Variants in JAZF1 observed in about 807,000 individuals in gnomAD.
JAZF1 encodes the protein juxtaposed with another zinc finger protein 1.
Under a neutral mutation model 26.4 loss-of-function variants are expected in JAZF1, and 8 were observed. The ratio of observed to expected loss-of-function variants is 0.30; its 90% confidence interval spans 0.18 to 0.55. JAZF1 has a LOEUF of 0.55. Ranked by LOEUF, JAZF1 falls within the 20% of genes least tolerant of loss-of-function variation. The probability of loss-of-function intolerance (pLI) is 0.94; values close to 1 mark genes in which losing one functional copy is unlikely to be tolerated. For missense variants in JAZF1, 199 were observed against 322.0 expected (o/e 0.62, Z 2.92); for synonymous variants, 126 against 122.3 (o/e 1.03, Z -0.20).
chr7:27,957,635 T>C (rs1306864054), intron 2 of JAZF1, among the ~76,000 whole-genome samples: 3 of 152,222 alleles, frequency 2.0e-5, no homozygotes, highest in Non-Finnish European at 2.9e-5. Flanking sequence ...AAGATCCTCC[T>C]GTTTTAAGAC....
intron 2 of JAZF1, among the ~76,000 whole-genome samples, chr7:27,937,037 C>T (rs554350927): frequency 4.6e-5 from 7 of 152,262 alleles, no homozygotes; most frequent in African/African-American, 1.7e-4. Flanking sequence ...AAGCATTGTA[C>T]TCATCCTTAG....
chr7:27,864,370 C>G (rs1783435287), intron 3 of JAZF1, among the ~76,000 whole-genome samples: 1 of 152,126 alleles, frequency 6.6e-6, no homozygotes, highest in African/African-American at 2.4e-5. Context: ...AAATGCACAC[C>G]CTAGGAAAAA....
chr7:27,915,033 A>G (rs779987170), intron 2 of JAZF1, among the ~76,000 whole-genome samples: 1 of 152,202 alleles, frequency 6.6e-6, no homozygotes, highest in African/African-American at 2.4e-5. Context: ...CAGCCATTTT[A>G]GCTACAAATT....
At chr7:28,061,676 A>G (rs1783799305) in intron 1 of JAZF1, among the ~76,000 whole-genome samples, 1 of 152,216 alleles carries the variant, frequency 6.6e-6, no homozygotes, top group African/African-American at 2.4e-5. Context: ...AGATAGAGCT[A>G]CACAAATAAG....
chr7:28,140,332 C>G (rs913929165), intron 1 of JAZF1, among the ~76,000 whole-genome samples: 8 of 152,136 alleles, frequency 5.3e-5, no homozygotes, highest in African/African-American at 1.9e-4. Flanking sequence ...ATCCACCTGC[C>G]TTGGCCTCCC....
intron 1 of JAZF1, among the ~76,000 whole-genome samples, chr7:28,066,903 C>G (rs1365537681): frequency 6.6e-6 from 1 of 152,134 alleles, no homozygotes; most frequent in Non-Finnish European, 1.5e-5. Flanking sequence ...AAAAACCCTA[C>G]AAATGCATCC....
intron 1 of JAZF1, among the ~76,000 whole-genome samples, chr7:28,035,846 T>C (rs1054779217): frequency 2.6e-5 from 4 of 152,112 alleles, no homozygotes; most frequent in Admixed American, 2.0e-4. Context: ...AACAGCAACC[T>C]GAAACCCTGA....
intron 2 of JAZF1, among the ~76,000 whole-genome samples, chr7:27,946,462 T>C (rs1245618141): frequency 6.6e-6 from 1 of 152,208 alleles, no homozygotes; most frequent in Admixed American, 6.5e-5. Flanking sequence ...TTGTTTTAAC[T>C]GAAATTCTCC....
chr7:28,075,145 C>G (rs767125225), intron 1 of JAZF1, among the ~76,000 whole-genome samples: 2 of 152,186 alleles, frequency 1.3e-5, no homozygotes, highest in African/African-American at 2.4e-5. Flanking sequence ...GGCAAATCAA[C>G]ACATCTCTCC....
intron 1 of JAZF1, among the ~76,000 whole-genome samples, chr7:28,092,098 T>C (rs1004579786): frequency 2.6e-5 from 4 of 152,182 alleles, no homozygotes; most frequent in African/African-American, 9.6e-5. Flanking sequence ...GGTTATTACA[T>C]ATGACTTCAC....
intron 2 of JAZF1, among the ~76,000 whole-genome samples, chr7:27,907,839 C>A (rs901220970): frequency 1.1e-4 from 16 of 152,184 alleles, no homozygotes; most frequent in Admixed American, 1.0e-3. Context: ...CCACACGAAT[C>A]GATTACAGCA....
At chr7:28,087,566 T>TAAC (rs1433574914) in intron 1 of JAZF1, among the ~76,000 whole-genome samples, 3 of 152,206 alleles carry the variant, frequency 2.0e-5, no homozygotes, top group Non-Finnish European at 1.5e-5. Flanking sequence ...TGGTCTGTAT[T>TAAC]AACAACCAAC....
chr7:28,124,447 T>A (rs1782665338), intron 1 of JAZF1, among the ~76,000 whole-genome samples: 1 of 152,182 alleles, frequency 6.6e-6, no homozygotes, highest in African/African-American at 2.4e-5. Flanking sequence ...GTTCCAAGTA[T>A]CTGCTGCCCA....
chr7:27,921,029 G>A (rs1470023428), intron 2 of JAZF1, among the ~76,000 whole-genome samples: 1 of 152,156 alleles, frequency 6.6e-6, no homozygotes, highest in African/African-American at 2.4e-5. Context: ...ATTTATGTGT[G>A]TAAGCGCTTT....
intron 2 of JAZF1, among the ~76,000 whole-genome samples, chr7:27,934,677 T>C (rs1412398092): frequency 3.9e-5 from 6 of 152,156 alleles, no homozygotes; most frequent in Non-Finnish European, 7.3e-5. Context: ...CAAAATTCAG[T>C]TGAATGAACT....
At chr7:27,990,246 G>A (rs1391108603) in intron 2 of JAZF1, among the ~76,000 whole-genome samples, 1 of 152,136 alleles carries the variant, frequency 6.6e-6, no homozygotes, top group Non-Finnish European at 1.5e-5. Flanking sequence ...AGAACACTTG[G>A]ACACAGGGTG....
intron 3 of JAZF1, among the ~76,000 whole-genome samples, chr7:27,890,733 A>G (rs1179600672): frequency 6.6e-6 from 1 of 151,624 alleles, no homozygotes; most frequent in Non-Finnish European, 1.5e-5. Flanking sequence ...CAAACACTCC[A>G]CAAGTGCTAC....
chr7:28,054,326 T>C (rs187392778), intron 1 of JAZF1, among the ~76,000 whole-genome samples: 37 of 152,308 alleles, frequency 2.4e-4, no homozygotes, highest in South Asian at 2.1e-3. Context: ...CCTTTTAAAT[T>C]TAACCAATCC....
At position 28,066,968 on chromosome 7, in the gene JAZF1, T is replaced by C. The variant is rs17156340; in HGVS notation, c.116-74987A>G. Among the ~76,000 whole-genome samples the C allele has an allele frequency of 7.1e-3, 1,082 of 152,272 alleles. 10 individuals are homozygous for C. The highest frequency in any genetic ancestry group is 0.025 in the African/African-American group (1,025 of 41,534). ...GAAGAACTAGCAGGTACCTCCAGCA[T>C]CTTGGCACAGGGCTGGTCCCCATTC... is the stretch of plus-strand genomic sequence containing the variant. On this transcript the variant is annotated intron_variant, in intron 1 of 4. Coordinates refer to ENST00000283928, the MANE Select transcript of JAZF1 (RefSeq NM_175061.4).
Sources: gnomAD v4.1 joint callset for allele counts (sites outside exome capture counted in the v4.1 genomes callset) on GRCh38, gnomAD v4.1.1 for gene constraint, MANE v1.5 for transcripts, NCBI Gene and HGNC (gene_info 2026-07-23, HGNC 2026-07-21) for gene names.